PLPPR1: variants seen among roughly 807,000 people sequenced by gnomAD.
PLPPR1 encodes the protein phospholipid phosphatase related 1, also known as phospholipid phosphatase-related protein type 1.
PLPPR1 carries 10 observed loss-of-function variants against 33.1 expected under a neutral mutation model. That is an observed-to-expected ratio of 0.30 (90% CI 0.19 to 0.51). The LOEUF is 0.51. Among genes scored for constraint, PLPPR1 ranks in the 20% least tolerant of loss-of-function variants. The probability of loss-of-function intolerance (pLI) is 0.97; values close to 1 mark genes in which losing one functional copy is unlikely to be tolerated. For missense variants in PLPPR1, 304 were observed against 408.1 expected (o/e 0.74, Z 2.20); for synonymous variants, 151 against 151.0 (o/e 1.00, Z 0.00).
At chr9:101,249,369 A>G (rs1173019819) in intron 2 of PLPPR1, among the ~76,000 whole-genome samples, 2 of 152,166 alleles carry the variant, frequency 1.3e-5, no homozygotes, top group East Asian at 1.9e-4. Flanking sequence ...AGAACCTACT[A>G]TCTAAAAAGG....
rs146302196 is a variant in PLPPR1 at position 101,173,993 on chromosome 9, C to T, written c.-45-11457C>T. Reference sequence around the variant, plus strand: ...GCAACATAGTGAGACCCTGTTTCCACAAAAACTTTAAAAATTAGCTGGACA... The same window carrying T: ...GCAACATAGTGAGACCCTGTTTCCATAAAAACTTTAAAAATTAGCTGGACA... On this transcript the variant is annotated intron_variant, in intron 1 of 7. Coordinates refer to ENST00000374874, the MANE Select transcript of PLPPR1 (RefSeq NM_207299.2). Among the ~76,000 whole-genome samples, 355 of 152,096 alleles carry T rather than the reference C, an allele frequency of 2.3e-3. 3 individuals are homozygous for T. Among genetic ancestry groups the T allele is most frequent in the African/African-American group, 7.6e-3 (316 of 41,492 alleles).
At chr9:101,182,627 A>G (rs1227679942) in intron 1 of PLPPR1, among the ~76,000 whole-genome samples, 3 of 151,806 alleles carry the variant, frequency 2.0e-5, no homozygotes, top group Non-Finnish European at 4.4e-5. Flanking sequence ...AATGTCACTG[A>G]ATTGTATTCT....
chr9:101,091,354 C>G (rs1418870685), intron 1 of PLPPR1, among the ~76,000 whole-genome samples: 1 of 152,072 alleles, frequency 6.6e-6, no homozygotes, highest in Non-Finnish European at 1.5e-5. Flanking sequence ...TTCTGGAGGT[C>G]AGTAGTTCAC....
rs151243026 is a variant in PLPPR1 at position 101,320,242 on chromosome 9, G to A, written c.945+2746G>A. Among the ~76,000 whole-genome samples, 241 of 152,256 alleles carry A rather than the reference G, an allele frequency of 1.6e-3. 1 individual carries two copies. Among genetic ancestry groups the A allele is most frequent in the African/African-American group, 5.5e-3 (227 of 41,542 alleles). The stretch of plus-strand genomic sequence containing the variant: ...ATGGATACAATTTGAGGCCTTGCCC[G>A]AATACCAGGCTTGGGCCAAAGGACC... On this transcript the variant is annotated intron_variant, in intron 7 of 7. Coordinates refer to ENST00000374874, the MANE Select transcript of PLPPR1 (RefSeq NM_207299.2).
At chr9:101,160,909 G>A (rs949002683) in intron 1 of PLPPR1, among the ~76,000 whole-genome samples, 4 of 152,008 alleles carry the variant, frequency 2.6e-5, no homozygotes, top group African/African-American at 4.8e-5. Context: ...GTCTATAGCC[G>A]GATGGTTGAC....
intron 5 of PLPPR1, among the ~76,000 whole-genome samples, chr9:101,310,758 C>T (rs573060917): frequency 1.3e-5 from 2 of 152,260 alleles, no homozygotes; most frequent in South Asian, 4.1e-4. Flanking sequence ...GCAGATAGTG[C>T]CTTTGTGTCC....
chr9:101,141,019 G>A (rs939880130), intron 1 of PLPPR1, among the ~76,000 whole-genome samples: 4 of 152,146 alleles, frequency 2.6e-5, no homozygotes, highest in East Asian at 1.9e-4. Flanking sequence ...AAAAGGATCC[G>A]AATATGGAAG....
chr9:101,185,394 C>T (rs900604641), intron 1 of PLPPR1, 56 bp from the exon 2 acceptor site: 2 of 653,256 alleles, frequency 3.1e-6, no homozygotes, highest in African/African-American at 1.9e-5. Flanking sequence ...TATGTAAGTA[C>T]CTAAGGGACT....
chr9:101,153,311 T>C (rs1380277442), intron 1 of PLPPR1, among the ~76,000 whole-genome samples: 3 of 152,220 alleles, frequency 2.0e-5, no homozygotes, highest in Non-Finnish European at 4.4e-5. Flanking sequence ...GATGGGGTTT[T>C]CTAAATATAT....
rs371280557 is a variant in PLPPR1, at chr9:101,164,742, A to G, written c.-45-20708A>G. 6.7e-4 allele frequency among the ~76,000 whole-genome samples: 102 copies of G among 152,254 alleles called. 1 individual carries two copies. The highest frequency in any genetic ancestry group is 2.3e-3 in the African/African-American group (94 of 41,542). Reference sequence around the variant, plus strand: ...ATTATAAATTTTTTCCCTAAAAATTAAAGGGGAAAGATGAAGTAGAAGTAA... The same window carrying G: ...ATTATAAATTTTTTCCCTAAAAATTGAAGGGGAAAGATGAAGTAGAAGTAA... On this transcript the variant is annotated intron_variant, in intron 1 of 7. Transcript: ENST00000374874.
chr9:101,298,820 C>T (rs1423837461), intron 4 of PLPPR1, among the ~76,000 whole-genome samples: 1 of 152,000 alleles, frequency 6.6e-6, no homozygotes, highest in Non-Finnish European at 1.5e-5. Flanking sequence ...ATAAGTAGTA[C>T]AGAGAAAAAT....
At chr9:101,177,369 T>C (rs1826033871) in intron 1 of PLPPR1, among the ~76,000 whole-genome samples, 1 of 152,238 alleles carries the variant, frequency 6.6e-6, no homozygotes, top group Non-Finnish European at 1.5e-5. Flanking sequence ...TTCAATGCTA[T>C]TGTGAATTGA....
intron 2 of PLPPR1, among the ~76,000 whole-genome samples, chr9:101,235,594 A>T (rs1011024852): frequency 4.0e-5 from 6 of 151,864 alleles, no homozygotes; most frequent in African/African-American, 1.4e-4. Flanking sequence ...CAAGAAAAAA[A>T]ATAGTTTCTT....
intron 1 of PLPPR1, among the ~76,000 whole-genome samples, chr9:101,038,113 T>C (rs761901162): frequency 2.0e-5 from 3 of 152,146 alleles, no homozygotes; most frequent in Non-Finnish European, 4.4e-5. Context: ...TTTTGGTCCA[T>C]TAACATTTAC....
intron 4 of PLPPR1, among the ~76,000 whole-genome samples, chr9:101,308,502 G>T (rs1455744689): frequency 6.6e-6 from 1 of 152,198 alleles, no homozygotes; most frequent in Admixed American, 6.5e-5. Flanking sequence ...CATTTGTGTT[G>T]TAAGCCCCTC....
chr9:101,242,883 A>G (rs571979726), intron 2 of PLPPR1, among the ~76,000 whole-genome samples: 1 of 152,210 alleles, frequency 6.6e-6, no homozygotes, highest in African/African-American at 2.4e-5. Context: ...TCATGCAAAC[A>G]AGTAATTATT....
intron 1 of PLPPR1, among the ~76,000 whole-genome samples, chr9:101,074,356 C>T (rs12235747): frequency 0.039 from 5,937 of 152,038 alleles, 173 homozygotes; most frequent in East Asian, 0.082. Flanking sequence ...TTAAACTCAC[C>T]AATTTTTCCC....
At chr9:101,212,009 T>C (rs10989432) in intron 2 of PLPPR1, among the ~76,000 whole-genome samples, 5,959 of 152,248 alleles carry the variant, frequency 0.039, 360 homozygotes, top group African/African-American at 0.13. Flanking sequence ...GTTCTAACAC[T>C]ACATCCTTTG....
At chr9:101,120,520 G>A (rs1434618976) in intron 1 of PLPPR1, among the ~76,000 whole-genome samples, 2 of 152,116 alleles carry the variant, frequency 1.3e-5, no homozygotes, top group East Asian at 3.8e-4. Flanking sequence ...ACTTATCCTT[G>A]CCTTTCTGTT....
Sources: gnomAD v4.1 joint callset for allele counts (sites outside exome capture counted in the v4.1 genomes callset) on GRCh38, gnomAD v4.1.1 for gene constraint, MANE v1.5 for transcripts, NCBI Gene and HGNC (gene_info 2026-07-23, HGNC 2026-07-21) for gene names.